MAPK10: variants seen among roughly 807,000 people sequenced by gnomAD.
The protein encoded by MAPK10 is mitogen-activated protein kinase 10.
A neutral mutation model predicts 59.3 loss-of-function variants in MAPK10; 25 were observed. The ratio of observed to expected loss-of-function variants is 0.42; its 90% CI spans 0.31 to 0.59. The LOEUF is 0.59. Ranked by LOEUF, MAPK10 falls within the 20% of genes least tolerant of loss-of-function variation. The pLI is 0.15. For missense variants in MAPK10, 351 were observed against 568.9 expected, an observed-to-expected ratio of 0.62 and a Z score of 3.90; for synonymous variants, 190 against 200.5, an observed-to-expected ratio of 0.95 and a Z score of 0.44.
In MAPK10 at chr4:86,591,361, T is replaced by C. The variant is rs550834004; in HGVS notation, c.-263+2549A>G. On this transcript the variant is annotated intron_variant, in intron 1 of 4. Coordinates refer to the MAPK10 transcript ENST00000502302. ...TGAGAAAGCTCTTGATTTTCATATG[T>C]TTTTTTATTATTATTATTATTGTTA... is the stretch of plus-strand genomic sequence containing the variant. 3.3e-5 allele frequency among the ~76,000 whole-genome samples: 5 copies of C among 151,870 alleles called. No individual in the cohort carries two copies. The South Asian group carries it at 6.5e-4, about 20-fold the overall frequency.
chr4:86,191,162 C>G (rs996262227), intron 3 of MAPK10, among the ~76,000 whole-genome samples: 1 of 152,036 alleles, frequency 6.6e-6, no homozygotes, highest in African/African-American at 2.4e-5. Flanking sequence ...GTTTTACTTC[C>G]AATTATGTGG....
intron 1 of MAPK10, among the ~76,000 whole-genome samples, chr4:86,476,307 C>T (rs2149068355): frequency 6.6e-6 from 1 of 152,292 alleles, no homozygotes; most frequent in South Asian, 2.1e-4. Flanking sequence ...CACCTCCACT[C>T]CTTCCACCCA....
chr4:86,235,995 G>A (rs904765852), intron 2 of MAPK10, among the ~76,000 whole-genome samples: 1 of 152,146 alleles, frequency 6.6e-6, no homozygotes, highest in Non-Finnish European at 1.5e-5. Flanking sequence ...GAAGCTCTAA[G>A]GGAGAAGCTG....
chr4:86,537,899 C>T (rs1341015917), intron 1 of MAPK10, among the ~76,000 whole-genome samples: 4 of 151,958 alleles, frequency 2.6e-5, no homozygotes, highest in African/African-American at 7.3e-5. Flanking sequence ...AATCTTTTCC[C>T]ACCCCTCTTT....
chr4:86,022,095 C>T (rs1467948806), intron 13 of MAPK10, among the ~76,000 whole-genome samples: 1 of 152,228 alleles, frequency 6.6e-6, no homozygotes, highest in Non-Finnish European at 1.5e-5. Flanking sequence ...CAAATGCCGC[C>T]AAAGTAGGAG....
At chr4:86,578,530 A>C (rs2149111124) in intron 1 of MAPK10, among the ~76,000 whole-genome samples, 1 of 152,294 alleles carries the variant, frequency 6.6e-6, no homozygotes, top group South Asian at 2.1e-4. Context: ...GCCATAAACT[A>C]TTATTGTGCT....
intron 3 of MAPK10, among the ~76,000 whole-genome samples, chr4:86,180,545 C>T (rs1455931294): frequency 6.6e-6 from 1 of 150,678 alleles, no homozygotes; most frequent in Non-Finnish European, 1.5e-5. Flanking sequence ...GAGATATCTG[C>T]ACCCCCATGT....
At chr4:86,521,649 C>A (rs894141966) in intron 1 of MAPK10, among the ~76,000 whole-genome samples, 2 of 152,052 alleles carry the variant, frequency 1.3e-5, no homozygotes, top group East Asian at 3.9e-4. Flanking sequence ...TCCCACTATG[C>A]CCCCCAACCA....
At chr4:86,193,763 ATGGTTC>A (rs1429787628) in intron 3 of MAPK10, 1 of 159,120 alleles carries the variant, frequency 6.3e-6, no homozygotes, top group East Asian at 1.8e-4. Flanking sequence ...GGGGGGGTGA[ATGGTTC>A]TGTCTCGCTG....
intron 1 of MAPK10, among the ~76,000 whole-genome samples, chr4:86,425,866 G>T (rs925573511): frequency 1.3e-5 from 2 of 152,148 alleles, no homozygotes; most frequent in Non-Finnish European, 2.9e-5. Context: ...AGCTACTCAG[G>T]AGGCTGAGGC....
chr4:86,552,250 T>G (rs1759850794), intron 1 of MAPK10, among the ~76,000 whole-genome samples: 1 of 151,656 alleles, frequency 6.6e-6, no homozygotes, highest in African/African-American at 2.4e-5. Context: ...AAAGACCTCG[T>G]CTTTACAAAA....
chr4:86,375,488 A>G (rs975266030), intron 1 of MAPK10, among the ~76,000 whole-genome samples: 3 of 152,120 alleles, frequency 2.0e-5, no homozygotes, highest in African/African-American at 7.2e-5. Flanking sequence ...TGGGGTGCCA[A>G]GGCAGGTGGA....
At chr4:86,350,241 G>A (rs1730537819) in intron 2 of MAPK10, among the ~76,000 whole-genome samples, 1 of 149,858 alleles carries the variant, frequency 6.7e-6, no homozygotes, top group Non-Finnish European at 1.5e-5. Flanking sequence ...TTGAGACGGA[G>A]TCTCACTCTG....
At chr4:86,546,948 C>T (rs937547861) in intron 1 of MAPK10, among the ~76,000 whole-genome samples, 2 of 151,974 alleles carry the variant, frequency 1.3e-5, no homozygotes, top group African/African-American at 4.8e-5. Context: ...CCCAGTTACT[C>T]GGGAGGCTGA....
intron 3 of MAPK10, among the ~76,000 whole-genome samples, chr4:86,184,071 T>G (rs991025821): frequency 2.0e-5 from 3 of 152,108 alleles, no homozygotes; most frequent in Non-Finnish European, 4.4e-5. Flanking sequence ...TTGCAAAAAT[T>G]TTCTCCCATT....
At chr4:86,082,005 T>C (rs1429808413) in intron 9 of MAPK10, 1 of 152,078 alleles carries the variant, frequency 6.6e-6, no homozygotes, top group Non-Finnish European at 1.5e-5. Context: ...GTCCAGTCCA[T>C]GAACAGGAAT....
At chr4:86,072,193 T>G (rs1335156181) in intron 9 of MAPK10, among the ~76,000 whole-genome samples, 42 of 151,068 alleles carry the variant, frequency 2.8e-4, no homozygotes, top group Middle Eastern at 3.2e-3. Context: ...GCTCTCTGTT[T>G]GTCTGTTGTT....
chr4:86,229,448 T>C (rs2091202250), intron 2 of MAPK10, among the ~76,000 whole-genome samples: 1 of 152,262 alleles, frequency 6.6e-6, no homozygotes, highest in East Asian at 1.9e-4. Context: ...TAAATGTTTA[T>C]CAAGTTTCAG....
chr4:86,085,808 C>A (rs1053197710), intron 9 of MAPK10, among the ~76,000 whole-genome samples: 6 of 152,192 alleles, frequency 3.9e-5, no homozygotes, highest in African/African-American at 1.4e-4. Context: ...TTTGTTGCAG[C>A]ACTGTTGACG....
Sources: gnomAD v4.1 joint callset for allele counts (sites outside exome capture counted in the v4.1 genomes callset) on GRCh38, gnomAD v4.1.1 for gene constraint, MANE v1.5 for transcripts, NCBI Gene and HGNC (gene_info 2026-07-23, HGNC 2026-07-21) for gene names.